IFT81: variants seen among roughly 807,000 people sequenced by gnomAD.
IFT81 encodes the protein intraflagellar transport protein 81 homolog.
Under a neutral mutation model 102.6 loss-of-function variants are expected in IFT81, and 72 were observed. The ratio of observed to expected loss-of-function variants is 0.70; its 90% CI spans 0.58 to 0.85. The LOEUF is 0.85. Among genes scored for constraint, IFT81 ranks in the 40% least tolerant of loss-of-function variants. The probability of loss-of-function intolerance (pLI) is 0.00; values close to 1 mark genes in which losing one functional copy is unlikely to be tolerated. For missense variants in IFT81, 723 were observed against 787.3 expected (o/e 0.92, Z 0.98); for synonymous variants, 237 against 242.7 (o/e 0.98, Z 0.22).
At chr12:110,128,787 A>T (rs1189770642) in intron 3 of IFT81, among the ~76,000 whole-genome samples, 163 bp from the exon 4 acceptor site, 8 of 41,556 alleles carry the variant, frequency 1.9e-4, no homozygotes, top group African/African-American at 1.2e-3. Flanking sequence ...ACCCTGTCTC[A>T]AAAAAAAAAA....
chr12:110,191,432 A>C (rs1897791208), intron 13 of IFT81, among the ~76,000 whole-genome samples: 1 of 152,046 alleles, frequency 6.6e-6, no homozygotes, highest in African/African-American at 2.4e-5. Flanking sequence ...CAGCCTCCCA[A>C]AGTGCTGGGA....
intron 11 of IFT81, among the ~76,000 whole-genome samples, chr12:110,173,249 C>T (rs1219410106): frequency 6.7e-6 from 1 of 148,514 alleles, no homozygotes; most frequent in Non-Finnish European, 1.5e-5. Flanking sequence ...GCCGCCCCGT[C>T]CGGGAGGTGA....
In IFT81 at chr12:110,129,060, G is replaced by T; in HGVS notation, c.359G>T (p.Arg120Leu). 1.2e-6 allele frequency: 2 copies of T among 1,605,700 alleles called. No homozygotes were observed. The highest frequency in any genetic ancestry group is 1.3e-5 in the African/African-American group (1 of 74,414). The part of the protein sequence containing the change: ...NELKKRAYLA[R>L]FLIKLEVPSE... Reference sequence around the variant, plus strand: ...CTGAAGAAAAGAGCATATTTAGCTCGTTTTTTAATAAAACTTGAGGTACCA... The same window carrying T: ...CTGAAGAAAAGAGCATATTTAGCTCTTTTTTTAATAAAACTTGAGGTACCA... Residue 120 changes from arginine to leucine, a missense_variant, in exon 4 of 19, where the codon CGT becomes CTT. Transcript: ENST00000242591.
Position 110,180,266 on chromosome 12 carries a change from T to C in IFT81, c.1189-156T>C, listed in dbSNP as rs563155090. Among the ~76,000 whole-genome samples, 11 of 149,572 alleles carry C rather than the reference T, an allele frequency of 7.4e-5. No individual in the cohort carries two copies. The South Asian group carries it at 2.3e-3, about 31-fold the overall frequency. On this transcript the variant is annotated intron_variant, in intron 11 of 18. Transcript: ENST00000242591. ...AAGTTATTATATAATATATAATTAT[T>C]ATATAAAGTTTTCTAATAAAACGAA... is the stretch of plus-strand genomic sequence containing the variant.
intron 1 of IFT81, among the ~76,000 whole-genome samples, chr12:110,126,517 TTAAC>T (rs1893853593): frequency 6.6e-6 from 1 of 152,044 alleles, no homozygotes; most frequent in African/African-American, 2.4e-5. Context: ...GAAAGCAACA[TTAAC>T]TAAAGGCAGA....
intron 14 of IFT81, among the ~76,000 whole-genome samples, chr12:110,203,029 G>A (rs1199344418): frequency 2.6e-5 from 4 of 152,108 alleles, no homozygotes; most frequent in African/African-American, 7.2e-5. Context: ...ACTTTGGGAG[G>A]CCGAGGTAGG....
chr12:110,135,386 A>G lies in IFT81; in HGVS notation c.645A>G (p.Glu215=), dbSNP rs1894429191. The change falls in exon 7 of 19, where the codon GAA becomes GAG. Residue 215 remains glutamate, a synonymous_variant. Coordinates refer to ENST00000242591, the MANE Select transcript of IFT81 (RefSeq NM_014055.4). ...AAATAGCAAGGCAACTTCGAGTTGA[A>G]AAAGAGAGAGAAGAATATCTTGCAC... ...MLKIARQLRV[E]KEREEYLAQQ... 6.2e-7 allele frequency: 1 copy of G among 1,613,496 alleles called. No individual in the cohort carries two copies. Among genetic ancestry groups the G allele is most frequent in the African/African-American group, 1.3e-5 (1 of 74,904 alleles).
In IFT81 at chr12:110,218,349, T is replaced by A; in HGVS notation, c.*123T>A. The A allele has an allele frequency of 1.6e-6, 1 of 638,492 alleles. No individual in the cohort carries two copies. The highest frequency in any genetic ancestry group is 2.5e-6 in the Non-Finnish European group (1 of 399,790). 39.6% of individuals were successfully genotyped at this position (638,492 alleles called of 1,614,324 possible). A position where few individuals can be genotyped will look rare whatever the true frequency, so the allele number is the denominator to read the frequency against. On this transcript the variant is annotated 3_prime_UTR_variant, in exon 19 of 19. Coordinates refer to ENST00000242591, the MANE Select transcript of IFT81 (RefSeq NM_014055.4). ...TGTTTTCAGAAGAGCCATTCTTTAT[T>A]AAGTTTTCATAGAAAATAATGTTAA...
chr12:110,208,346 A>G (rs1380062753), intron 17 of IFT81, among the ~76,000 whole-genome samples: 1 of 152,154 alleles, frequency 6.6e-6, no homozygotes, highest in Non-Finnish European at 1.5e-5. Context: ...CTACCAAAAA[A>G]ATACAAAAAA....
At chr12:110,181,922 C>T (rs1206146746) in intron 12 of IFT81, among the ~76,000 whole-genome samples, 1 of 152,150 alleles carries the variant, frequency 6.6e-6, no homozygotes, top group Non-Finnish European at 1.5e-5. Flanking sequence ...AGGACATGGT[C>T]TCAACTGGAG....
chr12:110,208,944 C>G (rs1417919585), intron 17 of IFT81, among the ~76,000 whole-genome samples: 1 of 152,100 alleles, frequency 6.6e-6, no homozygotes, highest in Non-Finnish European at 1.5e-5. Flanking sequence ...ATCTTAATTT[C>G]CTATTAAATG....
intron 8 of IFT81, among the ~76,000 whole-genome samples, chr12:110,138,995 G>A (rs1894683506): frequency 6.6e-6 from 1 of 151,918 alleles, no homozygotes; most frequent in Non-Finnish European, 1.5e-5. Context: ...ATGGAAACTT[G>A]GTTTTTATGT....
intron 12 of IFT81, among the ~76,000 whole-genome samples, chr12:110,186,096 C>T (rs1465925944): frequency 6.6e-6 from 1 of 152,064 alleles, no homozygotes; most frequent in Non-Finnish European, 1.5e-5. Context: ...TCTTAAGACA[C>T]CTGTATTTTA....
chr12:110,177,837 G>T (rs1182701368), intron 11 of IFT81, among the ~76,000 whole-genome samples: 1 of 152,122 alleles, frequency 6.6e-6, no homozygotes, highest in African/African-American at 2.4e-5. Flanking sequence ...GCTCATGCCT[G>T]TAATCCTAGC....
intron 12 of IFT81, among the ~76,000 whole-genome samples, chr12:110,183,922 A>T (rs1190584000): frequency 2.6e-5 from 4 of 152,174 alleles, no homozygotes; most frequent in Non-Finnish European, 5.9e-5. Flanking sequence ...TAAGAATTCA[A>T]CTTTCTCTGG....
chr12:110,151,064 C>CACTTCAGT (rs1335778884), intron 10 of IFT81, among the ~76,000 whole-genome samples: 1 of 152,062 alleles, frequency 6.6e-6, no homozygotes, highest in African/African-American at 2.4e-5. Context: ...TTAAAGTGTA[C>CACTTCAGT]ACTTCAGTGG....
chr12:110,187,171 C>G (rs1051597994), intron 12 of IFT81, among the ~76,000 whole-genome samples: 1 of 152,074 alleles, frequency 6.6e-6, no homozygotes, highest in Non-Finnish European at 1.5e-5. Flanking sequence ...TAACATTCTT[C>G]AACTTTTTGT....
Position 110,203,896 on chromosome 12 carries a change from C to T in IFT81, c.1590C>T (p.Ser530=). ...ELTQECDEKK[S]QYDSCAAGLE... Reference sequence around the variant, plus strand: ...CCCAGGAGTGTGATGAAAAGAAATCCCAGTATGATAGCTGTGCAGCAGGCC... The same window carrying T: ...CCCAGGAGTGTGATGAAAAGAAATCTCAGTATGATAGCTGTGCAGCAGGCC... The change falls in exon 15 of 19, where the codon TCC becomes TCT. Residue 530 remains serine (S), a synonymous_variant. Coordinates refer to ENST00000242591, the MANE Select transcript of IFT81 (RefSeq NM_014055.4). The T allele has an allele frequency of 6.2e-7, 1 of 1,613,376 alleles. No homozygotes were observed. Among genetic ancestry groups the T allele is most frequent in the Non-Finnish European group, 8.5e-7 (1 of 1,179,446 alleles).
intron 18 of IFT81, among the ~76,000 whole-genome samples, chr12:110,211,175 CTTTTTTTTT>C (rs796140785): frequency 9.8e-6 from 1 of 102,200 alleles, no homozygotes; most frequent in Non-Finnish European, 2.0e-5. Flanking sequence ...ATTAGGCTTT[CTTTTTTTTT>C]TTTTTTTTTT....
Sources: allele counts gnomAD v4.1 joint callset (sites outside exome capture counted in the v4.1 genomes callset), GRCh38; gene constraint gnomAD v4.1.1; transcripts MANE v1.5; gene names NCBI Gene and HGNC (gene_info 2026-07-23, HGNC 2026-07-21).